UNC79: variants seen among roughly 807,000 people sequenced by gnomAD.
UNC79 encodes the protein unc-79 subunit of NALCN channel complex, also known as protein unc-79 homolog.
A neutral mutation model predicts 283.1 loss-of-function variants in UNC79; 37 were observed. That is an observed-to-expected ratio of 0.13 (90% CI 0.10 to 0.17). The LOEUF (loss-of-function observed/expected upper bound fraction) is 0.17, where lower values mean the gene tolerates loss of function less well. UNC79 is among the 10% of genes least tolerant of loss of function. The probability of loss-of-function intolerance (pLI) is 1.00; values close to 1 mark genes in which losing one functional copy is unlikely to be tolerated. For missense variants in UNC79, 2,272 were observed against 3,211.1 expected (o/e 0.71, Z 7.07); for synonymous variants, 1,107 against 1,200.2 (o/e 0.92, Z 1.61).
At chr14:93,646,200 C>T (rs1015849891) in intron 34 of UNC79, among the ~76,000 whole-genome samples, 3 of 152,108 alleles carry the variant, frequency 2.0e-5, no homozygotes, top group African/African-American at 4.8e-5. Flanking sequence ...ATCTATTTTA[C>T]TATCTTATGG....
chr14:93,402,276 C>CAAAAAAA (rs1232880016), intron 1 of UNC79, among the ~76,000 whole-genome samples: 1 of 64,946 alleles, frequency 1.5e-5, no homozygotes, highest in African/African-American at 6.1e-5. Context: ...GACTCTGTCT[C>CAAAAAAA]AAAAAAAAAA....
chr14:93,578,026 A>G (rs1216778085), exon 18 of UNC79: 2 of 1,614,238 alleles, frequency 1.2e-6, no homozygotes, highest in East Asian at 2.2e-5. Flanking sequence ...ATGAATCTAA[A>G]TTGTTTCATC....
chr14:93,522,503 GC>G (rs1421199083), intron 7 of UNC79, among the ~76,000 whole-genome samples: 2 of 152,000 alleles, frequency 1.3e-5, no homozygotes, highest in East Asian at 3.8e-4. Flanking sequence ...CCATGTTTTT[GC>G]AATTCATGTA....
At chr14:93,336,160 T>C (rs1370963900) in intron 1 of UNC79, among the ~76,000 whole-genome samples, 1 of 152,202 alleles carries the variant, frequency 6.6e-6, no homozygotes, top group Non-Finnish European at 1.5e-5. Context: ...AGCTGGGTTT[T>C]TGAAATTAAG....
At chr14:93,489,874 A>G (rs2058639640) in intron 5 of UNC79, among the ~76,000 whole-genome samples, 1 of 151,788 alleles carries the variant, frequency 6.6e-6, no homozygotes, top group Non-Finnish European at 1.5e-5. Flanking sequence ...CCTGGGCCCC[A>G]CTCTGCAGGC....
intron 7 of UNC79, among the ~76,000 whole-genome samples, chr14:93,512,564 A>T (rs180945169): frequency 1.1e-3 from 165 of 152,286 alleles, no homozygotes; most frequent in Admixed American, 2.7e-3. Flanking sequence ...CTCCATTTTT[A>T]AAAAATGTTT....
intron 23 of UNC79, among the ~76,000 whole-genome samples, chr14:93,596,655 A>G (rs2065104950): frequency 6.6e-6 from 1 of 152,144 alleles, no homozygotes; most frequent in Non-Finnish European, 1.5e-5. Flanking sequence ...AACAAAACCA[A>G]CAAACAAAAG....
At chr14:93,686,420 GAC>G in intron 42 of UNC79, 150 bp from the exon 46 acceptor site, 1 of 765,962 alleles carries the variant, frequency 1.3e-6, no homozygotes, top group Non-Finnish European at 2.2e-6. Flanking sequence ...ATGCTGGGCA[GAC>G]AGTCACAGAC....
At chr14:93,600,876 C>T in intron 25 of UNC79, 106 bp downstream of exon 25, 1 of 1,221,850 alleles carries the variant, frequency 8.2e-7, no homozygotes, top group Non-Finnish European at 1.1e-6. Flanking sequence ...CAGAGGATGC[C>T]TTGACCTCAT....
At chr14:93,630,105 G>A (rs7155052) in intron 30 of UNC79, among the ~76,000 whole-genome samples, 111,069 of 152,214 alleles carry the variant, frequency 0.73, 41,047 homozygotes, top group African/African-American at 0.84. Flanking sequence ...AGAGCCAATG[G>A]CAGTCTGTTT....
chr14:93,398,434 A>G lies in UNC79; in HGVS notation c.-351+64911A>G, dbSNP rs1361311280. On this transcript the variant is annotated intron_variant, in intron 1 of 49. Coordinates refer to the UNC79 transcript ENST00000256339. ...ATTTGGAAGGGCACAATGTAGGCAGAAACAGAAGACTATATAGAGGAATTG... is the reference window on the plus strand; with the variant it reads ...ATTTGGAAGGGCACAATGTAGGCAGGAACAGAAGACTATATAGAGGAATTG... 4.6e-5 allele frequency among the ~76,000 whole-genome samples: 7 copies of G among 152,252 alleles called. No individual in the cohort carries two copies. The East Asian group carries it at 1.3e-3, about 29-fold the overall frequency.
intron 34 of UNC79, among the ~76,000 whole-genome samples, chr14:93,645,700 C>T (rs140441558): frequency 1.3e-5 from 2 of 152,166 alleles, no homozygotes; most frequent in Admixed American, 1.3e-4. Flanking sequence ...TTACATGATC[C>T]CTTTCTGTAG....
At position 93,438,588 on chromosome 14, in the gene UNC79, A is replaced by G. The variant is rs80152985; in HGVS notation, c.22+7537A>G. ...AATTTTTGTGGGGAATTTTCTAAGA[A>G]TCTCCACTCTCCCATTCAACATTGT... On this transcript the variant is annotated intron_variant, in intron 1 of 48. Coordinates refer to ENST00000555664, the Ensembl canonical transcript of UNC79. 6.6e-3 allele frequency among the ~76,000 whole-genome samples: 996 copies of G among 151,678 alleles called. 17 individuals are homozygous for G. The highest frequency in any genetic ancestry group is 0.023 in the African/African-American group (957 of 41,338).
intron 40 of UNC79, among the ~76,000 whole-genome samples, chr14:93,669,324 C>T (rs112769775): frequency 6.6e-5 from 10 of 152,274 alleles, no homozygotes; most frequent in African/African-American, 2.4e-4. Flanking sequence ...AGGCTCAGAT[C>T]AGGAAGAGCC....
intron 4 of UNC79, among the ~76,000 whole-genome samples, chr14:93,480,562 A>G (rs1406793063): frequency 2.0e-5 from 3 of 152,158 alleles, no homozygotes; most frequent in African/African-American, 7.2e-5. Context: ...AAGTCTTTGA[A>G]AATAAATTGT....
chr14:93,682,773 A>G, intron 42 of UNC79, 79 bp downstream of exon 45: 1 of 1,449,496 alleles, frequency 6.9e-7, no homozygotes, highest in Non-Finnish European at 9.6e-7. Flanking sequence ...TTAGACTTAC[A>G]TCAGGGTTTG....
Position 93,662,767 on chromosome 14 carries a change from A to T in UNC79, c.6636+53A>T, listed in dbSNP as rs535063406. ...TGTGAAACTGAAAACTGGCAGAAAT[A>T]TATTCTTTTGAATCAGTGTCAAGTC... On this transcript the variant is annotated intron_variant, in intron 40 of 48. Coordinates refer to ENST00000555664, the Ensembl canonical transcript of UNC79. 1.3e-5 allele frequency: 18 copies of T among 1,409,390 alleles called. No individual in the cohort carries two copies. In the South Asian group the frequency reaches 2.0e-4, roughly 16 times the overall value. 87.3% of individuals were successfully genotyped at this position (1,409,390 alleles called of 1,614,324 possible). A position where few individuals can be genotyped will look rare whatever the true frequency, so the allele number is the denominator to read the frequency against.
intron 32 of UNC79, among the ~76,000 whole-genome samples, chr14:93,640,139 TGGA>T (rs1004444110): frequency 1.3e-5 from 2 of 152,180 alleles, no homozygotes; most frequent in African/African-American, 4.8e-5. Context: ...GCTTTCTTAA[TGGA>T]GAACAGCTTC....
intron 4 of UNC79, among the ~76,000 whole-genome samples, chr14:93,486,675 A>AG (rs564924250): frequency 0.069 from 10,124 of 147,254 alleles, 440 homozygotes; most frequent in Middle Eastern, 0.15. Context: ...AAAAAAAAAA[A>AG]AAAGAAAGAA....
Sources: gnomAD v4.1 joint callset for allele counts (sites outside exome capture counted in the v4.1 genomes callset) on GRCh38, gnomAD v4.1.1 for gene constraint, MANE v1.5 for transcripts, NCBI Gene and HGNC (gene_info 2026-07-23, HGNC 2026-07-21) for gene names.